Variants in FSHR observed in about 807,000 individuals in gnomAD.
FSHR encodes the protein follicle-stimulating hormone receptor.
Under a neutral mutation model 52.1 loss-of-function variants are expected in FSHR, and 46 were observed. The ratio of observed to expected loss-of-function variants is 0.88; its 90% confidence interval spans 0.70 to 1.13. The LOEUF (loss-of-function observed/expected upper bound fraction) is 1.13. Among genes scored for constraint, FSHR ranks in the 50% most tolerant of loss-of-function variants. FSHR has a pLI of 0.00. For missense variants in FSHR, 964 were observed against 834.6 expected, an observed-to-expected ratio of 1.16 and a Z score of -1.91; for synonymous variants, 399 against 309.6, an observed-to-expected ratio of 1.29 and a Z score of -3.03.
intron 9 of FSHR, among the ~76,000 whole-genome samples, chr2:48,965,075 G>C: frequency 6.6e-6 from 1 of 151,926 alleles, no homozygotes; most frequent in East Asian, 1.9e-4. Context: ...ATATTAAGTT[G>C]ACTGTATTTT....
chr2:49,107,427 A>C (rs755164495), intron 1 of FSHR, among the ~76,000 whole-genome samples: 1 of 152,108 alleles, frequency 6.6e-6, no homozygotes, highest in African/African-American at 2.4e-5. Context: ...CTCTAGGCTG[A>C]CCTGGCTGTT....
chr2:49,055,023 G>C (rs1206085897), intron 2 of FSHR, among the ~76,000 whole-genome samples: 1 of 152,072 alleles, frequency 6.6e-6, no homozygotes, highest in East Asian at 1.9e-4. Context: ...TGACTCTCCA[G>C]TCACAGACCC....
chr2:49,063,665 G>A (rs999139324), intron 2 of FSHR, among the ~76,000 whole-genome samples: 6 of 152,102 alleles, frequency 3.9e-5, no homozygotes, highest in Non-Finnish European at 8.8e-5. Context: ...ATTGGAGGCA[G>A]GGAAGTCTAT....
At chr2:49,038,428 T>C (rs907573932) in intron 2 of FSHR, among the ~76,000 whole-genome samples, 2 of 151,830 alleles carry the variant, frequency 1.3e-5, no homozygotes, top group Non-Finnish European at 2.9e-5. Flanking sequence ...GAGACCATCC[T>C]GGCTAACACG....
chr2:49,021,831 T>TTTTCTCTCTTTCTCTC (rs760578631), intron 2 of FSHR, among the ~76,000 whole-genome samples: 3 of 46,540 alleles, frequency 6.4e-5, no homozygotes, highest in African/African-American at 2.7e-4. Context: ...GGGTATGTGT[T>TTTTCTCTCTTTCTCTC]TCTCTCTCTC....
intron 8 of FSHR, among the ~76,000 whole-genome samples, chr2:48,976,648 C>G (rs534459623): frequency 3.2e-4 from 49 of 152,224 alleles, no homozygotes; most frequent in Non-Finnish European, 6.5e-4. Context: ...TAGTTACTGC[C>G]TCAATTTCTG....
intron 1 of FSHR, among the ~76,000 whole-genome samples, chr2:49,120,830 C>T (rs890236236): frequency 1.3e-5 from 2 of 152,228 alleles, no homozygotes; most frequent in African/African-American, 4.8e-5. Context: ...TATATCTCTG[C>T]TTCTTTTCCA....
At chr2:49,033,165 A>G (rs1250754969) in intron 2 of FSHR, among the ~76,000 whole-genome samples, 4 of 152,202 alleles carry the variant, frequency 2.6e-5, no homozygotes, top group Non-Finnish European at 5.9e-5. Flanking sequence ...CTGACAATCA[A>G]TATGATTAGA....
chr2:49,140,415 A>C (rs1461697911), intron 1 of FSHR, among the ~76,000 whole-genome samples: 3 of 152,140 alleles, frequency 2.0e-5, no homozygotes, highest in African/African-American at 7.2e-5. Context: ...GTCTCCCCAG[A>C]AACTGAGTGA....
chr2:49,039,282 C>T (rs1233579378), intron 2 of FSHR, among the ~76,000 whole-genome samples: 5 of 152,080 alleles, frequency 3.3e-5, no homozygotes, highest in Admixed American at 6.5e-5. Context: ...TTTCTTTTTC[C>T]TGTGTTACCA....
At chr2:49,018,759 T>A (rs990741581) in intron 3 of FSHR, among the ~76,000 whole-genome samples, 16 of 151,112 alleles carry the variant, frequency 1.1e-4, no homozygotes, top group African/African-American at 3.2e-4. Flanking sequence ...GGAGGCAGAG[T>A]GGGTAGAAGG....
intron 8 of FSHR, among the ~76,000 whole-genome samples, chr2:48,974,527 G>C (rs962640933): frequency 1.4e-4 from 21 of 152,170 alleles, no homozygotes; most frequent in African/African-American, 4.6e-4. Flanking sequence ...GGGAGCTCTT[G>C]GTAAGAAAGA....
Position 48,962,524 on chromosome 2 carries a change from A to T in FSHR, c.*209T>A. On this transcript the variant is annotated 3_prime_UTR_variant, in exon 10 of 10. Transcript: ENST00000406846. The stretch of plus-strand genomic sequence containing the variant: ...GATAAAATATGTAATACAGTATTGC[A>T]TTCTTTAATTATTATTGTTGTTACT... 1.7e-6 allele frequency: 1 copy of T among 589,224 alleles called. No homozygotes were observed. The highest frequency in any genetic ancestry group is 3.0e-6 in the Non-Finnish European group (1 of 333,150). 36.5% of individuals were successfully genotyped at this position (589,224 alleles called of 1,614,324 possible).
intron 1 of FSHR, among the ~76,000 whole-genome samples, chr2:49,074,977 C>G (rs1277077388): frequency 6.6e-6 from 1 of 151,802 alleles, no homozygotes; most frequent in East Asian, 1.9e-4. Context: ...TATATGGAAG[C>G]TAGAAAAAGT....
intron 1 of FSHR, among the ~76,000 whole-genome samples, chr2:49,118,625 A>T (rs1671689576): frequency 1.3e-5 from 2 of 152,206 alleles, no homozygotes; most frequent in African/African-American, 4.8e-5. Flanking sequence ...GAAAACCAGG[A>T]TGTGGGTCAC....
At chr2:49,127,809 TTCTTCTTCTTCTTCTTCTTCC>T (rs1672082033) in intron 1 of FSHR, among the ~76,000 whole-genome samples, 26 of 56,662 alleles carry the variant, frequency 4.6e-4, no homozygotes, top group South Asian at 1.6e-3. Flanking sequence ...CTTCTTCTTC[TTCTTCTTCTTCTTCTTCTTCC>T]TCTTCTTCTT....
intron 2 of FSHR, among the ~76,000 whole-genome samples, chr2:49,058,100 A>T (rs1054210108): frequency 1.3e-5 from 2 of 152,248 alleles, no homozygotes; most frequent in Non-Finnish European, 2.9e-5. Context: ...TTCTCTAACA[A>T]CTGGAATGTT....
chr2:49,001,226 G>A (rs757807466), intron 4 of FSHR, among the ~76,000 whole-genome samples: 39 of 152,122 alleles, frequency 2.6e-4, no homozygotes, highest in East Asian at 1.4e-3. Context: ...GTCATTTAAC[G>A]CTGCCCATAA....
Position 48,962,875 on chromosome 2 carries a change from A to G in FSHR, c.1946T>C (p.Met649Thr), listed in dbSNP as rs1376796323. The change falls in exon 10 of 10, where the codon ATG (methionine) becomes ACG (threonine). Residue 649 changes from methionine to threonine, a missense_variant. Physicochemically the swap from Met to Thr is moderately conservative, Grantham distance 81. Coordinates refer to ENST00000406846, the MANE Select transcript of FSHR (RefSeq NM_000145.4). ...ILLSKCGCYE[M>T]QAQIYRTETS... The stretch of plus-strand genomic sequence containing the variant: ...TTCTGTCCTATAAATTTGGGCTTGC[A>G]TTTCATAGCAGCCACACTTGCTCAG... 2 of 1,614,152 alleles carry G rather than the reference A, an allele frequency of 1.2e-6. No individual in the cohort carries two copies. Among genetic ancestry groups the G allele is most frequent in the Admixed American group, 1.7e-5 (1 of 60,018 alleles).
Sources: gnomAD v4.1 joint callset for allele counts (sites outside exome capture counted in the v4.1 genomes callset) on GRCh38, gnomAD v4.1.1 for gene constraint, MANE v1.5 for transcripts, NCBI Gene and HGNC (gene_info 2026-07-23, HGNC 2026-07-21) for gene names.